The following TTLL7 variants were observed in gnomAD, a reference collection of about 807,000 sequenced individuals.
The protein encoded by TTLL7 is tubulin polyglutamylase TTLL7.
In TTLL7, 53 loss-of-function variants were observed where a neutral mutation model predicts 120.2. That is an observed-to-expected ratio of 0.44 (90% CI 0.35 to 0.55). TTLL7 has a LOEUF of 0.55. Ranked by LOEUF, TTLL7 falls within the 20% of genes least tolerant of loss-of-function variation. The pLI is 0.00. For synonymous variants in TTLL7, 353 were observed against 351.7 expected (o/e 1.00, Z -0.04); for missense variants, 803 against 1,054.7 (o/e 0.76, Z 3.31).
Position 83,910,260 on chromosome 1 carries a change from T to C in TTLL7, c.1786+905A>G, listed in dbSNP as rs186346589. ...CAGGGAAGTTAACATATTAAATACA[T>C]TGCTGACGGTAAAAAGGGCTCACAA... On this transcript the variant is annotated intron_variant, in intron 15 of 20. Transcript: ENST00000260505. Among the ~76,000 whole-genome samples, 18 of 152,242 alleles carry C rather than the reference T, an allele frequency of 1.2e-4. No individual in the cohort carries two copies. The East Asian group carries it at 2.9e-3, about 25-fold the overall frequency.
chr1:83,961,502 G>A (rs183985416), intron 1 of TTLL7, among the ~76,000 whole-genome samples: 34 of 152,060 alleles, frequency 2.2e-4, no homozygotes, highest in Admixed American at 1.9e-3. Flanking sequence ...ACTGATAAAC[G>A]GGTAATGATA....
intron 1 of TTLL7, among the ~76,000 whole-genome samples, chr1:83,961,523 C>G (rs1260850252): frequency 6.6e-6 from 1 of 152,008 alleles, no homozygotes; most frequent in Non-Finnish European, 1.5e-5. Flanking sequence ...ACACAGCATA[C>G]CTTCAAGGCA....
At position 83,868,211 on chromosome 1, in the gene TTLL7, G is replaced by A. The variant is rs951298789; in HGVS notation, c.*1751C>T. On this transcript the variant is annotated 3_prime_UTR_variant, in exon 21 of 21. Transcript: ENST00000260505. Reference sequence around the variant, plus strand: ...CCCCTCTCAGTTCTCCTGCTTTGGGGCCACTTCTTGAAATAACTTTCAGAA... The same window carrying A: ...CCCCTCTCAGTTCTCCTGCTTTGGGACCACTTCTTGAAATAACTTTCAGAA... 6.6e-6 allele frequency: 1 copy of A among 152,154 alleles called. No homozygotes were observed. The highest frequency in any genetic ancestry group is 1.5e-5 in the Non-Finnish European group (1 of 68,026). The allele number at this position is 152,154 out of a possible 1,614,324, so 9.4% of individuals were successfully genotyped here.
Position 83,892,453 on chromosome 1 carries a change from CATATATGAACAT to C in TTLL7, c.2209-1984_2209-1973del, listed in dbSNP as rs201665991. Among the ~76,000 whole-genome samples, 26 of 53,264 alleles carry C rather than the reference CATATATGAACAT, an allele frequency of 4.9e-4. 4 individuals are homozygous for C. The highest frequency in any genetic ancestry group is 1.1e-3 in the East Asian group (3 of 2,792). The allele number at this position is 53,264 out of a possible 152,430, so 34.9% of individuals were successfully genotyped here. On this transcript the variant is annotated intron_variant, in intron 18 of 20. Transcript: ENST00000260505. ...ACATATATATGAACATATGAATGAACATATATGAACATATATATGAACATATGAATGAACATA... is the reference window on the plus strand; with the variant it reads ...ACATATATATGAACATATGAATGAACATATATGAACATATGAATGAACATA...
rs79091659 is a variant in TTLL7, at chr1:83,986,375, C to T, written c.-177+12556G>A. On this transcript the variant is annotated intron_variant, in intron 1 of 20. Coordinates refer to ENST00000260505, the MANE Select transcript of TTLL7 (RefSeq NM_024686.6). The stretch of plus-strand genomic sequence containing the variant: ...AAGCTAAGAAAGAAAAATCATACAT[C>T]CATATCAATTGATACTAAAAAAAGT... Among the ~76,000 whole-genome samples, 1,372 of 152,226 alleles carry T rather than the reference C, an allele frequency of 9.0e-3. 57 individuals carry two copies. In the East Asian group the frequency reaches 0.14, roughly 16 times the overall value.
chr1:83,900,013 G>A (rs1480621336), intron 18 of TTLL7: 1 of 251,158 alleles, frequency 4.0e-6, no homozygotes, highest in Non-Finnish European at 7.9e-6. Context: ...TCTAAATGTA[G>A]AAAGTCAACT....
In TTLL7 at chr1:83,906,462, C is replaced by T. The variant is rs529949736; in HGVS notation, c.1994G>A (p.Ser665Asn). The T allele has an allele frequency of 6.2e-6, 10 of 1,611,676 alleles. No individual in the cohort carries two copies. The highest frequency in any genetic ancestry group is 1.7e-4 in the Middle Eastern group (1 of 6,032). Reference sequence around the variant, plus strand: ...TGTTTTCAGTTGCCGCAAAGACTCACTCTTAAATTTGAAAGAATACAGATA... The same window carrying T: ...TGTTTTCAGTTGCCGCAAAGACTCATTCTTAAATTTGAAAGAATACAGATA... ...NDACSTNSQV[S>N]ESLRQLKTKE... is the part of the protein sequence containing the mutation. The change falls in exon 17 of 21, where the codon AGT (serine) becomes AAT (asparagine). Residue 665 changes from serine to asparagine, a missense_variant and splice_region_variant. Ser to Asn is a conservative substitution (Grantham distance 46). Transcript: ENST00000260505.
chr1:83,952,606 G>A (rs78091634), intron 1 of TTLL7, among the ~76,000 whole-genome samples: 2,103 of 152,114 alleles, frequency 0.014, 44 homozygotes, highest in African/African-American at 0.048. Context: ...ATTAAGTCAC[G>A]TGTCACATGT....
intron 1 of TTLL7, among the ~76,000 whole-genome samples, chr1:83,953,331 A>G (rs1185432691): frequency 6.6e-6 from 1 of 152,178 alleles, no homozygotes; most frequent in Non-Finnish European, 1.5e-5. Flanking sequence ...ATCTATAAAC[A>G]CAATGAAAAA....
At chr1:83,967,164 A>C (rs1158802120) in intron 1 of TTLL7, among the ~76,000 whole-genome samples, 2 of 152,126 alleles carry the variant, frequency 1.3e-5, no homozygotes, top group African/African-American at 4.8e-5. Context: ...GAATTTGAAG[A>C]GGTTTTTTTA....
intron 1 of TTLL7, among the ~76,000 whole-genome samples, chr1:83,976,087 A>T (rs2100586192): frequency 6.8e-6 from 1 of 148,108 alleles, no homozygotes; most frequent in Middle Eastern, 3.5e-3. Context: ...CTGTGTGTGT[A>T]CTATGTCAAG....
chr1:83,885,934 T>C (rs1654935708), intron 19 of TTLL7, among the ~76,000 whole-genome samples: 1 of 152,020 alleles, frequency 6.6e-6, no homozygotes, highest in African/African-American at 2.4e-5. Context: ...TCCAAGGAAA[T>C]AGGGTCACCA....
chr1:83,951,441 T>C (rs1649043219), intron 3 of TTLL7, among the ~76,000 whole-genome samples: 2 of 152,190 alleles, frequency 1.3e-5, no homozygotes, highest in South Asian at 4.1e-4. Context: ...AGGTTATATA[T>C]GAACATTGGA....
intron 1 of TTLL7, among the ~76,000 whole-genome samples, chr1:83,987,220 A>G (rs1471078778): frequency 3.9e-5 from 6 of 152,042 alleles, no homozygotes; most frequent in East Asian, 3.9e-4. Flanking sequence ...AATTAAAATT[A>G]TAATTTGTGC....
At chr1:83,980,409 C>T (rs1240280464) in intron 1 of TTLL7, 4 of 152,086 alleles carry the variant, frequency 2.6e-5, no homozygotes, top group Non-Finnish European at 4.4e-5. Context: ...GGACTACAGG[C>T]GCACACCACC....
intron 8 of TTLL7, among the ~76,000 whole-genome samples, chr1:83,935,365 C>A (rs1028208416): frequency 3.9e-5 from 6 of 151,966 alleles, no homozygotes; most frequent in Admixed American, 2.6e-4. Context: ...TAGAAAATAA[C>A]CTGCTTTTAG....
intron 1 of TTLL7, among the ~76,000 whole-genome samples, chr1:83,971,544 T>C (rs1650985319): frequency 6.6e-6 from 1 of 152,076 alleles, no homozygotes; most frequent in African/African-American, 2.4e-5. Context: ...GATCCATACA[T>C]GGTTCACATC....
At chr1:83,952,939 G>C (rs779324455) in intron 1 of TTLL7, among the ~76,000 whole-genome samples, 2 of 152,178 alleles carry the variant, frequency 1.3e-5, no homozygotes, top group Non-Finnish European at 2.9e-5. Flanking sequence ...ATGAGACAGT[G>C]AAAAGTGCCA....
intron 14 of TTLL7, among the ~76,000 whole-genome samples, chr1:83,914,133 C>A (rs185527898): frequency 2.8e-3 from 420 of 152,196 alleles, no homozygotes; most frequent in African/African-American, 9.6e-3. Flanking sequence ...TCTCTGATAT[C>A]CAAGATCTCC....
Sources: allele counts gnomAD v4.1 joint callset (sites outside exome capture counted in the v4.1 genomes callset), GRCh38; gene constraint gnomAD v4.1.1; transcripts MANE v1.5; gene names NCBI Gene and HGNC (gene_info 2026-07-23, HGNC 2026-07-21).